NBEA: variants seen among roughly 807,000 people sequenced by gnomAD.
NBEA encodes the protein neurobeachin.
NBEA carries 44 observed loss-of-function variants against 343.4 expected under a neutral mutation model. That is an observed-to-expected ratio of 0.13 (90% CI 0.10 to 0.16). The LOEUF (loss-of-function observed/expected upper bound fraction) is 0.16. NBEA is among the 10% of genes least tolerant of loss of function. NBEA has a pLI of 1.00. For missense variants in NBEA, 2,555 were observed against 3,631.3 expected (o/e 0.70, Z 7.62); for synonymous variants, 1,175 against 1,238.7 (o/e 0.95, Z 1.08).
At chr13:35,357,261 A>T (rs2040541519) in intron 38 of NBEA, among the ~76,000 whole-genome samples, 1 of 152,054 alleles carries the variant, frequency 6.6e-6, no homozygotes, top group Admixed American at 6.6e-5. Flanking sequence ...TAAGCTGTGT[A>T]ATCTCGAACA....
intron 35 of NBEA, among the ~76,000 whole-genome samples, chr13:35,294,484 A>G (rs1481495270): frequency 6.6e-6 from 1 of 152,148 alleles, no homozygotes; most frequent in Non-Finnish European, 1.5e-5. Flanking sequence ...TAAGGAAACC[A>G]GGGATGGAGT....
intron 34 of NBEA, among the ~76,000 whole-genome samples, chr13:35,272,319 A>C (rs1280479931): frequency 6.6e-6 from 1 of 152,232 alleles, no homozygotes; most frequent in African/African-American, 2.4e-5. Flanking sequence ...AGATTTTGTC[A>C]TCACCAGGCC....
rs75699252 is a variant in NBEA, at chr13:35,629,757, T to C, written c.7617+1509T>C. ...ATTTGGTAGGAGATAATTCTGAGCT[T>C]AATTAGTCTCAACTGTACACCCTTG... On this transcript the variant is annotated intron_variant, in intron 49 of 58. Coordinates refer to ENST00000379939, the MANE Select transcript of NBEA (RefSeq NM_001385012.1). Among the ~76,000 whole-genome samples, 308 of 152,348 alleles carry C rather than the reference T, an allele frequency of 2.0e-3. 2 individuals carry two copies. The highest frequency in any genetic ancestry group is 6.5e-3 in the African/African-American group (269 of 41,576).
chr13:35,476,414 C>G (rs141473681), intron 41 of NBEA: 18 of 991,240 alleles, frequency 1.8e-5, no homozygotes, highest in Admixed American at 1.4e-4. Flanking sequence ...TGTCCTCCCC[C>G]CTCTGCTTGT....
At position 35,666,902 on chromosome 13, in the gene NBEA, G is replaced by A. The variant is rs565112924; in HGVS notation, c.8465-472G>A. 2.2e-4 allele frequency among the ~76,000 whole-genome samples: 34 copies of A among 152,198 alleles called. No homozygotes were observed. The South Asian group carries it at 5.4e-3, about 24-fold the overall frequency. On this transcript the variant is annotated intron_variant, in intron 56 of 58. Transcript: ENST00000379939. ...TCAATTTTGCTTTTACATTTTATGC[G>A]TATGGATGACAGAAAAAGGTAAAAT... is the stretch of plus-strand genomic sequence containing the variant.
rs77730333 is a variant in NBEA, at chr13:35,419,307, A to C, written c.6180-12962A>C. ...GAGGGCCCCACCTCCTGGTTCATAGAACAGTGCCTTCTCCCTGTGTCCTCA... is the reference window on the plus strand; with the variant it reads ...GAGGGCCCCACCTCCTGGTTCATAGCACAGTGCCTTCTCCCTGTGTCCTCA... On this transcript the variant is annotated intron_variant, in intron 38 of 58. Transcript: ENST00000379939. Among the ~76,000 whole-genome samples the C allele has an allele frequency of 3.2e-4, 49 of 152,170 alleles. No homozygotes were observed. The East Asian group carries it at 9.1e-3, about 28-fold the overall frequency.
chr13:35,070,905 A>C, intron 10 of NBEA, 53 bp downstream of exon 10: 1 of 1,585,888 alleles, frequency 6.3e-7, no homozygotes, highest in South Asian at 1.1e-5. Flanking sequence ...ACTTAAGACT[A>C]TGCATGATGT....
intron 41 of NBEA, among the ~76,000 whole-genome samples, chr13:35,535,920 G>A (rs2078516334): frequency 1.3e-5 from 2 of 152,176 alleles, no homozygotes; most frequent in Non-Finnish European, 2.9e-5. Flanking sequence ...TACTGCCTTA[G>A]GTAGATACAC....
chr13:35,608,509 A>T (rs567521286), intron 48 of NBEA, among the ~76,000 whole-genome samples: 19 of 152,296 alleles, frequency 1.2e-4, no homozygotes, highest in Non-Finnish European at 2.5e-4. Context: ...ATTGTATATC[A>T]ATATCTCTCA....
At chr13:35,194,453 A>G (rs1323846258) in intron 30 of NBEA, among the ~76,000 whole-genome samples, 3 of 152,096 alleles carry the variant, frequency 2.0e-5, no homozygotes, top group Non-Finnish European at 4.4e-5. Flanking sequence ...GTTATATAGA[A>G]TTTACTGATT....
intron 41 of NBEA, among the ~76,000 whole-genome samples, chr13:35,510,995 T>G (rs1410722467): frequency 6.6e-6 from 1 of 152,144 alleles, no homozygotes; most frequent in East Asian, 1.9e-4. Context: ...TCAGATAACA[T>G]AATAATAAGT....
chr13:35,407,875 T>C (rs1013224229), intron 38 of NBEA, among the ~76,000 whole-genome samples: 2 of 152,070 alleles, frequency 1.3e-5, no homozygotes, highest in African/African-American at 4.8e-5. Context: ...CACAAATAAT[T>C]GGAAAAACAT....
intron 38 of NBEA, among the ~76,000 whole-genome samples, chr13:35,376,871 T>C (rs1041555143): frequency 2.6e-5 from 4 of 152,146 alleles, no homozygotes; most frequent in Non-Finnish European, 5.9e-5. Flanking sequence ...CGGTTGACCA[T>C]GTGGTACCCC....
chr13:35,155,437 A>G (rs1043949081), intron 18 of NBEA, among the ~76,000 whole-genome samples: 1 of 152,052 alleles, frequency 6.6e-6, no homozygotes, highest in Admixed American at 6.6e-5. Context: ...CAGCCTGATC[A>G]ATATGGTGAA....
chr13:35,283,519 T>G (rs770778825), intron 34 of NBEA, among the ~76,000 whole-genome samples: 39 of 152,284 alleles, frequency 2.6e-4, no homozygotes, highest in Middle Eastern at 3.4e-3. Flanking sequence ...ATTAATTTCT[T>G]TATCAATCTT....
At chr13:35,229,223 G>A (rs908924445) in intron 33 of NBEA, among the ~76,000 whole-genome samples, 1 of 151,978 alleles carries the variant, frequency 6.6e-6, no homozygotes, top group Admixed American at 6.6e-5. Context: ...GTAGAGACAG[G>A]GTCTCACCAT....
At chr13:35,299,401 G>C (rs780265672) in intron 35 of NBEA, among the ~76,000 whole-genome samples, 1 of 152,148 alleles carries the variant, frequency 6.6e-6, no homozygotes, top group African/African-American at 2.4e-5. Context: ...TTTTGGATCT[G>C]AGATTTCTTC....
intron 32 of NBEA, among the ~76,000 whole-genome samples, chr13:35,210,202 G>A (rs2073673447): frequency 6.6e-6 from 1 of 151,654 alleles, no homozygotes; most frequent in Non-Finnish European, 1.5e-5. Flanking sequence ...GAAAGTGATG[G>A]TAGCAAGAGT....
chr13:35,172,865 C>G (rs887740581), intron 26 of NBEA, among the ~76,000 whole-genome samples: 1 of 152,010 alleles, frequency 6.6e-6, no homozygotes, highest in Non-Finnish European at 1.5e-5. Flanking sequence ...AAACTCTGTA[C>G]TACTTGTTAC....
Sources: gnomAD v4.1 joint callset for allele counts (sites outside exome capture counted in the v4.1 genomes callset) on GRCh38, gnomAD v4.1.1 for gene constraint, MANE v1.5 for transcripts, NCBI Gene and HGNC (gene_info 2026-07-23, HGNC 2026-07-21) for gene names.